ADGRG6: variants seen among roughly 807,000 people sequenced by gnomAD.
ADGRG6 encodes the protein adhesion G protein-coupled receptor G6.
In ADGRG6, 84 loss-of-function variants were observed where a neutral mutation model predicts 142.4. The observed-to-expected ratio is 0.59, with a 90% CI of 0.49 to 0.71. The LOEUF (loss-of-function observed/expected upper bound fraction) is 0.71. Among genes scored for constraint, ADGRG6 ranks in the 30% least tolerant of loss-of-function variants. The pLI is 0.00. For missense variants in ADGRG6, 1,367 were observed against 1,466.6 expected, an observed-to-expected ratio of 0.93 and a Z score of 1.11; for synonymous variants, 521 against 520.5, an observed-to-expected ratio of 1.00 and a Z score of -0.01.
chr6:142,434,801 A>G (rs926249280), intron 22 of ADGRG6, among the ~76,000 whole-genome samples: 18 of 152,254 alleles, frequency 1.2e-4, no homozygotes, highest in South Asian at 4.1e-4. Context: ...TAATCACCAA[A>G]CAACAAGCTA....
chr6:142,335,162 A>G (rs935506364), intron 2 of ADGRG6, among the ~76,000 whole-genome samples: 8 of 152,232 alleles, frequency 5.3e-5, no homozygotes. Context: ...TTGAGAACCA[A>G]GAGATCAGAA....
intron 16 of ADGRG6, 134 bp from the exon 17 acceptor site, chr6:142,409,740 C>A: frequency 2.0e-6 from 1 of 490,556 alleles, no homozygotes; most frequent in Non-Finnish European, 3.7e-6. Flanking sequence ...AAATTGCCTA[C>A]ATTTTCAGGT....
At chr6:142,320,088 T>C (rs1301545395) in intron 2 of ADGRG6, among the ~76,000 whole-genome samples, 1 of 152,074 alleles carries the variant, frequency 6.6e-6, no homozygotes, top group African/African-American at 2.4e-5. Context: ...ATATGTAGTT[T>C]TGTTTTCCCC....
At chr6:142,367,998 C>T in intron 3 of ADGRG6, 88 bp downstream of exon 3, 1 of 707,720 alleles carries the variant, frequency 1.4e-6, no homozygotes, top group East Asian at 2.5e-5. Context: ...GAGTTATGCT[C>T]TTTTATGTGA....
chr6:142,349,364 G>A (rs112924865), intron 2 of ADGRG6, among the ~76,000 whole-genome samples: 9 of 152,340 alleles, frequency 5.9e-5, no homozygotes, highest in African/African-American at 1.7e-4. Flanking sequence ...CCCAACAGCG[G>A]CCTCAGCAGA....
Position 142,419,725 on chromosome 6 carries a change from A to G in ADGRG6, c.3036-96A>G, listed in dbSNP as rs530634157. On this transcript the variant is annotated intron_variant, in intron 21 of 24. Transcript: ENST00000367609. ...TGGCTTTCTAAAGACATTTGAGAGG[A>G]AAATCTGCAGTAGCCCAAACTAAGC... The G allele has an allele frequency of 2.5e-5, 23 of 910,812 alleles. No homozygotes were observed. The East Asian group carries it at 2.9e-4, about 11-fold the overall frequency. The allele number at this position is 910,812 out of a possible 1,614,324, so 56.4% of individuals were successfully genotyped here. A position where few individuals can be genotyped will look rare whatever the true frequency, so the allele number is the denominator to read the frequency against.
chr6:142,435,311 T>C (rs1777431051), intron 22 of ADGRG6, among the ~76,000 whole-genome samples: 1 of 152,038 alleles, frequency 6.6e-6, no homozygotes, highest in African/African-American at 2.4e-5. Context: ...TTCCCTCACT[T>C]CCCTACTGAA....
At chr6:142,332,555 A>G (rs970486527) in intron 2 of ADGRG6, among the ~76,000 whole-genome samples, 4 of 151,780 alleles carry the variant, frequency 2.6e-5, no homozygotes, top group African/African-American at 7.3e-5. Context: ...GGCTTAGATA[A>G]TGAGCCACCT....
Position 142,443,550 on chromosome 6 carries a change from G to A in ADGRG6, c.*35G>A, listed in dbSNP as rs1263584072. 1 of 1,488,330 alleles carries A rather than the reference G, an allele frequency of 6.7e-7. No individual in the cohort carries two copies. Among genetic ancestry groups the A allele is most frequent in the Non-Finnish European group, 9.3e-7 (1 of 1,077,354 alleles). The allele number at this position is 1,488,330 out of a possible 1,614,324, so 92.2% of individuals were successfully genotyped here. A position where few individuals can be genotyped will look rare whatever the true frequency, so the allele number is the denominator to read the frequency against. On this transcript the variant is annotated 3_prime_UTR_variant, in exon 25 of 25. Transcript: ENST00000367609. ...GAAAAAGAAATCAATCTGCAGAAAT[G>A]TGAAGATTTGCAAGCAGTGTAAACT... is the stretch of plus-strand genomic sequence containing the variant.
intron 2 of ADGRG6, among the ~76,000 whole-genome samples, chr6:142,350,528 G>A (rs1054693160): frequency 6.6e-6 from 1 of 152,204 alleles, no homozygotes; most frequent in African/African-American, 2.4e-5. Flanking sequence ...GAAGTTTATA[G>A]TACTCTGCTA....
intron 18 of ADGRG6, 67 bp downstream of exon 18, chr6:142,411,478 A>AT (rs1776084307): frequency 1.2e-6 from 1 of 803,708 alleles, no homozygotes; most frequent in Non-Finnish European, 2.2e-6. Context: ...CCTTTTTTGT[A>AT]TGTATTTTTA....
intron 18 of ADGRG6, among the ~76,000 whole-genome samples, chr6:142,413,043 A>ATATATATATATG (rs1429939451): frequency 6.6e-6 from 1 of 151,748 alleles, no homozygotes; most frequent in Non-Finnish European, 1.5e-5. Flanking sequence ...ATATATATAT[A>ATATATATATATG]TGTGAAGATA....
Position 142,378,453 on chromosome 6 carries a change from G to A in ADGRG6, c.1070-3498G>A, listed in dbSNP as rs556427622. On this transcript the variant is annotated intron_variant, in intron 4 of 24. Transcript: ENST00000367609. ...TTTAAAGGCTTTTTAGTTTGCGGAA[G>A]TCCCTTACAAAATATAAGTACCTAC... Among the ~76,000 whole-genome samples the A allele has an allele frequency of 1.1e-4, 16 of 152,274 alleles. No individual in the cohort carries two copies. The East Asian group carries it at 2.7e-3, about 26-fold the overall frequency.
intron 6 of ADGRG6, among the ~76,000 whole-genome samples, chr6:142,384,880 A>G (rs1306114115): frequency 2.0e-5 from 3 of 152,144 alleles, no homozygotes; most frequent in African/African-American, 7.2e-5. Flanking sequence ...GTAGGGTTAT[A>G]AAGACATCGA....
At chr6:142,408,395 A>G in intron 16 of ADGRG6, 126 bp downstream of exon 16, 1 of 603,904 alleles carries the variant, frequency 1.7e-6, no homozygotes, top group Non-Finnish European at 2.8e-6. Flanking sequence ...AGTTTTCTAT[A>G]AAGAGAGAAC....
At chr6:142,318,782 G>A (rs2114594386) in intron 2 of ADGRG6, among the ~76,000 whole-genome samples, 1 of 152,140 alleles carries the variant, frequency 6.6e-6, no homozygotes, top group Admixed American at 6.6e-5. Flanking sequence ...GTAGAAGCAT[G>A]CATATTTCTC....
intron 20 of ADGRG6, among the ~76,000 whole-genome samples, chr6:142,416,597 C>T (rs1239445201): frequency 6.6e-6 from 1 of 152,090 alleles, no homozygotes; most frequent in African/African-American, 2.4e-5. Flanking sequence ...CTATTGTGCT[C>T]CCTTATTTTT....
chr6:142,391,606 G>A (rs538178320), intron 7 of ADGRG6, among the ~76,000 whole-genome samples: 1 of 151,870 alleles, frequency 6.6e-6, no homozygotes, highest in East Asian at 1.9e-4. Flanking sequence ...CAAAGTTGGT[G>A]AGAAAGGTGA....
At chr6:142,323,809 A>G (rs767609149) in intron 2 of ADGRG6, among the ~76,000 whole-genome samples, 1 of 152,066 alleles carries the variant, frequency 6.6e-6, no homozygotes, top group Non-Finnish European at 1.5e-5. Context: ...CAGGATTATA[A>G]TATTATGGGC....
Sources: allele counts gnomAD v4.1 joint callset (sites outside exome capture counted in the v4.1 genomes callset), GRCh38; gene constraint gnomAD v4.1.1; transcripts MANE v1.5; gene names NCBI Gene and HGNC (gene_info 2026-07-23, HGNC 2026-07-21).